RANBP17: variants seen among roughly 807,000 people sequenced by gnomAD.
The protein encoded by RANBP17 is RAN binding protein 17, also known as ran-binding protein 17.
In RANBP17, 158 loss-of-function variants were observed where a neutral mutation model predicts 141.2. That is an observed-to-expected ratio of 1.12 (90% CI 0.98 to 1.28). RANBP17 has a LOEUF of 1.28. RANBP17 is among the 50% of genes most tolerant of loss of function. RANBP17 has a pLI of 0.00. For missense variants in RANBP17, 1,438 were observed against 1,290.7 expected, an observed-to-expected ratio of 1.11 and a Z score of -1.75; for synonymous variants, 430 against 450.0, an observed-to-expected ratio of 0.96 and a Z score of 0.56.
chr5:170,895,664 T>C (rs1770052300), intron 4 of RANBP17, among the ~76,000 whole-genome samples: 1 of 152,200 alleles, frequency 6.6e-6, no homozygotes, highest in Admixed American at 6.5e-5. Context: ...TTAAGCAAAT[T>C]ATAGAGCTAA....
chr5:171,059,506 C>A (rs1329109544), intron 14 of RANBP17, among the ~76,000 whole-genome samples: 1 of 151,086 alleles, frequency 6.6e-6, no homozygotes, highest in Admixed American at 6.6e-5. Context: ...GGGCTCTGTT[C>A]TGTTCCATTG....
In RANBP17 at chr5:171,210,433, G is replaced by C. The variant is rs191343521; in HGVS notation, c.2232-3198G>C. ...TGCCTTATCCCGTAGTGAATACTGT[G>C]TGCTCTGAAAAATATCCTGGTCCTA... On this transcript the variant is annotated intron_variant, in intron 20 of 27. Transcript: ENST00000523189. Among the ~76,000 whole-genome samples, 18 of 152,210 alleles carry C rather than the reference G, an allele frequency of 1.2e-4. No homozygotes were observed. In the East Asian group the frequency reaches 3.1e-3, roughly 26 times the overall value.
chr5:171,007,841 G>A (rs1450603169), intron 14 of RANBP17, among the ~76,000 whole-genome samples: 1 of 152,152 alleles, frequency 6.6e-6, no homozygotes, highest in Non-Finnish European at 1.5e-5. Flanking sequence ...TGAGAACACA[G>A]GCTAAGGAGA....
chr5:170,996,294 G>A (rs1251110823), intron 14 of RANBP17, among the ~76,000 whole-genome samples: 2 of 152,010 alleles, frequency 1.3e-5, no homozygotes, highest in Non-Finnish European at 2.9e-5. Context: ...AAGGATAATA[G>A]TAGACAATAA....
At chr5:170,991,583 G>C (rs1778513070) in intron 14 of RANBP17, among the ~76,000 whole-genome samples, 1 of 151,880 alleles carries the variant, frequency 6.6e-6, no homozygotes, top group Admixed American at 6.6e-5. Flanking sequence ...GAAGCAGCTT[G>C]GCCTTTTCAT....
At chr5:170,914,750 T>TAATA (rs1771810266) in intron 8 of RANBP17, among the ~76,000 whole-genome samples, 1 of 152,158 alleles carries the variant, frequency 6.6e-6, no homozygotes, top group Admixed American at 6.6e-5. Flanking sequence ...TAAATTCTAT[T>TAATA]GCATGCTTAA....
At chr5:171,022,857 G>A (rs969033788) in intron 14 of RANBP17, among the ~76,000 whole-genome samples, 1 of 152,326 alleles carries the variant, frequency 6.6e-6, no homozygotes, top group East Asian at 1.9e-4. Context: ...TTCCAGCTGA[G>A]AGGCGGTTGA....
At chr5:171,085,224 T>G (rs1785559734) in intron 14 of RANBP17, among the ~76,000 whole-genome samples, 2 of 142,668 alleles carry the variant, frequency 1.4e-5, no homozygotes, top group African/African-American at 5.2e-5. Flanking sequence ...TAGGGAATCC[T>G]TTCCCCATTT....
intron 11 of RANBP17, among the ~76,000 whole-genome samples, chr5:170,920,094 C>A (rs893059956): frequency 1.3e-5 from 2 of 151,968 alleles, no homozygotes; most frequent in African/African-American, 4.8e-5. Context: ...ATGTTTTTGG[C>A]CATTGTAAAT....
At chr5:171,296,045 G>T (rs200952562) in intron 27 of RANBP17, 31 bp downstream of exon 27, 1 of 1,598,652 alleles carries the variant, frequency 6.3e-7, no homozygotes, top group South Asian at 1.1e-5. Flanking sequence ...TGTCACTGGG[G>T]GAAGTAGACA....
At chr5:171,080,059 G>T (rs984698707) in intron 14 of RANBP17, among the ~76,000 whole-genome samples, 7 of 152,024 alleles carry the variant, frequency 4.6e-5, no homozygotes, top group Admixed American at 1.3e-4. Flanking sequence ...TTACCCTTCG[G>T]ATCCACTCAT....
At chr5:170,911,230 T>A in intron 7 of RANBP17, 96 bp downstream of exon 7, 2 of 1,107,922 alleles carry the variant, frequency 1.8e-6, no homozygotes, top group Admixed American at 2.4e-5. Flanking sequence ...TGCCAGGAAT[T>A]AAAAAAATAG....
chr5:171,132,404 G>A (rs1326978490), intron 14 of RANBP17, among the ~76,000 whole-genome samples: 4 of 151,492 alleles, frequency 2.6e-5, no homozygotes, highest in Non-Finnish European at 2.9e-5. Context: ...TGTCTGCAGG[G>A]ACAAGACTAA....
intron 14 of RANBP17, among the ~76,000 whole-genome samples, chr5:171,017,198 T>C (rs1780498805): frequency 6.6e-6 from 1 of 152,180 alleles, no homozygotes; most frequent in South Asian, 2.1e-4. Flanking sequence ...CTATTGTAAA[T>C]AGTGCTGCAA....
At chr5:171,087,426 A>C (rs1351544737) in intron 14 of RANBP17, among the ~76,000 whole-genome samples, 2 of 152,148 alleles carry the variant, frequency 1.3e-5, no homozygotes, top group Non-Finnish European at 2.9e-5. Flanking sequence ...GGTGCTGAAA[A>C]AAATGTATAT....
Position 170,918,847 on chromosome 5 carries a change from T to C in RANBP17, c.1089T>C (p.Ile363=). The C allele has an allele frequency of 6.3e-7, 1 of 1,578,480 alleles. No individual in the cohort carries two copies. The highest frequency in any genetic ancestry group is 8.6e-7 in the Non-Finnish European group (1 of 1,159,866). ...EVIRLIANFT[I]TSLQHWEFAP... ...TTAGATTGATTGCTAATTTTACCATTACTAGCCTACAGGTAGGTAAAAATA... is the reference window on the plus strand; with the variant it reads ...TTAGATTGATTGCTAATTTTACCATCACTAGCCTACAGGTAGGTAAAAATA... The change falls in exon 10 of 28, where the codon ATT becomes ATC. Residue 363 remains isoleucine, a synonymous_variant. Transcript: ENST00000523189.
chr5:171,060,398 T>C (rs980904648), intron 14 of RANBP17, among the ~76,000 whole-genome samples: 1 of 152,074 alleles, frequency 6.6e-6, no homozygotes, highest in African/African-American at 2.4e-5. Context: ...GTCAAAGGCC[T>C]TTTTTGCATC....
At chr5:170,941,010 A>G (rs1774284052) in intron 12 of RANBP17, among the ~76,000 whole-genome samples, 1 of 152,186 alleles carries the variant, frequency 6.6e-6, no homozygotes, top group South Asian at 2.1e-4. Flanking sequence ...TTTAAAACAT[A>G]TACTTGTAAA....
intron 22 of RANBP17, among the ~76,000 whole-genome samples, chr5:171,232,870 C>T (rs567801147): frequency 6.6e-6 from 1 of 152,120 alleles, no homozygotes; most frequent in African/African-American, 2.4e-5. Context: ...TTATTAATCG[C>T]CTTTAGCTGA....
Sources: gnomAD v4.1 joint callset for allele counts (sites outside exome capture counted in the v4.1 genomes callset) on GRCh38, gnomAD v4.1.1 for gene constraint, MANE v1.5 for transcripts, NCBI Gene and HGNC (gene_info 2026-07-23, HGNC 2026-07-21) for gene names.